Variants in MYOF observed in about 807,000 individuals in gnomAD.
The protein encoded by MYOF is fer-1-like 3, myoferlin.
A neutral mutation model predicts 284.2 loss-of-function variants in MYOF; 244 were observed. The observed-to-expected ratio is 0.86, with a 90% CI of 0.77 to 0.95. MYOF has a LOEUF of 0.95. Among genes scored for constraint, MYOF ranks in the 40% least tolerant of loss-of-function variants. The pLI is 0.00. For synonymous variants in MYOF, 904 were observed against 919.7 expected (o/e 0.98, Z 0.31); for missense variants, 2,496 against 2,560.6 (o/e 0.97, Z 0.54).
chr10:93,476,019 G>T (rs7909408), intron 1 of MYOF, among the ~76,000 whole-genome samples: 151,412 of 152,218 alleles, frequency 0.99, 75,313 homozygotes, highest in East Asian at 1. Context: ...AATGACTCAG[G>T]AGATTAAACA....
intron 5 of MYOF, among the ~76,000 whole-genome samples, chr10:93,424,064 G>A (rs1035493388): frequency 9.9e-5 from 15 of 152,178 alleles, no homozygotes; most frequent in Non-Finnish European, 2.2e-4. Context: ...AGAGGCTCCA[G>A]AAGGAACTAG....
rs554142197 is a variant in MYOF at position 93,327,557 on chromosome 10, A to G, written c.5131+1206T>C. Among the ~76,000 whole-genome samples the G allele has an allele frequency of 3.3e-5, 5 of 152,234 alleles. No individual in the cohort carries two copies. The East Asian group carries it at 7.7e-4, about 23-fold the overall frequency. On this transcript the variant is annotated intron_variant, in intron 45 of 53. Transcript: ENST00000359263. ...GTTTGGGGTGATCTGTTATATATCA[A>G]TAGTAACTGGAACAATCCCCATGAC...
In MYOF at chr10:93,390,202, C is replaced by T. The variant is rs867038204; in HGVS notation, c.1457-1048G>A. 7.2e-5 allele frequency among the ~76,000 whole-genome samples: 11 copies of T among 152,228 alleles called. 1 individual carries two copies. The South Asian group carries it at 1.5e-3, about 20-fold the overall frequency. On this transcript the variant is annotated intron_variant, in intron 17 of 53. Transcript: ENST00000359263. Reference sequence around the variant, plus strand: ...GTGGAGCAGCGTCATCAGAATGATGCCCATTAATAAATAATTTACCTAACC... The same window carrying T: ...GTGGAGCAGCGTCATCAGAATGATGTCCATTAATAAATAATTTACCTAACC...
At chr10:93,414,812 C>T (rs1202731749) in intron 5 of MYOF, among the ~76,000 whole-genome samples, 1 of 151,952 alleles carries the variant, frequency 6.6e-6, no homozygotes, top group Non-Finnish European at 1.5e-5. Context: ...GGTACAATTT[C>T]AGCTCACTGC....
intron 1 of MYOF, among the ~76,000 whole-genome samples, chr10:93,475,846 G>A (rs939480196): frequency 6.6e-6 from 1 of 152,148 alleles, no homozygotes; most frequent in Admixed American, 6.6e-5. Flanking sequence ...AACAAGGCAC[G>A]TTAATTAATT....
Position 93,361,451 on chromosome 10 carries a change from C to T in MYOF, c.2974+1G>A. 1.2e-6 allele frequency: 2 copies of T among 1,613,978 alleles called. No individual in the cohort carries two copies. Among genetic ancestry groups the T allele is most frequent in the Non-Finnish European group, 1.7e-6 (2 of 1,179,862 alleles). ...ATCAGGTCACAGATGTACAATGTTA[C>T]CTTTCTCATCCACCGCTCGATTTAT... On this transcript the variant is annotated splice_donor_variant, in intron 28 of 53. Transcript: ENST00000359263. LOFTEE classifies it high-confidence loss of function.
Position 93,456,891 on chromosome 10 carries a change from G to A in MYOF, c.135C>T (p.Val45=). The change falls in exon 2 of 54, where the codon GTC becomes GTT. Residue 45 remains valine (V), a synonymous_variant. Transcript: ENST00000359263. ...AAAACAATGAAGTCACCTCATTCCA[G>A]ACAGGGTTCAATTCATTATCAACTT... ...TKKVDNELNP[V]WNEILEFDLR... The A allele has an allele frequency of 6.2e-7, 1 of 1,607,584 alleles. No homozygotes were observed. Among genetic ancestry groups the A allele is most frequent in the South Asian group, 1.1e-5 (1 of 90,038 alleles).
intron 1 of MYOF, among the ~76,000 whole-genome samples, chr10:93,477,996 G>T (rs2057302587): frequency 6.6e-6 from 1 of 152,134 alleles, no homozygotes; most frequent in Non-Finnish European, 1.5e-5. Context: ...AAATCAAATT[G>T]TTCAGAGTGG....
intron 4 of MYOF, among the ~76,000 whole-genome samples, chr10:93,428,123 A>T (rs1192185854): frequency 6.6e-6 from 1 of 151,856 alleles, no homozygotes; most frequent in African/African-American, 2.4e-5. Flanking sequence ...TGACCAGATA[A>T]AATCTGGACA....
intron 50 of MYOF, among the ~76,000 whole-genome samples, chr10:93,314,790 G>A (rs1323898705): frequency 6.6e-6 from 1 of 152,140 alleles, no homozygotes; most frequent in Non-Finnish European, 1.5e-5. Context: ...GCTCATGCCT[G>A]TAATCCCAGC....
chr10:93,375,785 C>T (rs1448512218), intron 22 of MYOF, among the ~76,000 whole-genome samples: 1 of 152,162 alleles, frequency 6.6e-6, no homozygotes, highest in African/African-American at 2.4e-5. Context: ...GATTTATGAA[C>T]CAACCATGTA....
intron 29 of MYOF, among the ~76,000 whole-genome samples, chr10:93,357,985 G>A (rs191966744): frequency 2.4e-4 from 36 of 152,262 alleles, no homozygotes; most frequent in African/African-American, 7.9e-4. Context: ...CTTCTACACA[G>A]CAAAAGAAAC....
intron 49 of MYOF, among the ~76,000 whole-genome samples, chr10:93,317,137 C>T (rs980491647): frequency 7.0e-6 from 1 of 142,094 alleles, no homozygotes; most frequent in Non-Finnish European, 1.5e-5. Flanking sequence ...TTAGATTATC[C>T]TCCTAAGGCC....
At chr10:93,354,702 T>TCTCTCTC (rs1491377561) in intron 31 of MYOF, among the ~76,000 whole-genome samples, 17 of 149,744 alleles carry the variant, frequency 1.1e-4, no homozygotes, top group South Asian at 2.1e-4. Context: ...TCTCTCTCTC[T>TCTCTCTC]TTGTGAGATA....
In MYOF at chr10:93,310,154, A is replaced by T. The variant is rs761291902; in HGVS notation, c.6013T>A (p.Ser2005Thr). The T allele has an allele frequency of 4.3e-6, 7 of 1,614,108 alleles. No homozygotes were observed. Among genetic ancestry groups the T allele is most frequent in the Non-Finnish European group, 5.9e-6 (7 of 1,179,964 alleles). Residue 2005 changes from serine to threonine, a missense_variant, in exon 53 of 54, where the codon TCC becomes ACC. By Grantham distance (58) the Ser-to-Thr change is moderately conservative. Transcript: ENST00000359263. Reference protein sequence around the residue: ...KLDLPNRPETSFLWFTNPCKT... With the variant: ...KLDLPNRPETTFLWFTNPCKT... ...CATGGGTTGGTGAACCAGAGGAAGG[A>T]GGTTTCTGGTCGACTGCATTGCAAA...
At chr10:93,472,814 T>G (rs2057179790) in intron 1 of MYOF, among the ~76,000 whole-genome samples, 1 of 152,214 alleles carries the variant, frequency 6.6e-6, no homozygotes, top group African/African-American at 2.4e-5. Context: ...TCTGAACAGC[T>G]AAGCCTGGGC....
intron 19 of MYOF, among the ~76,000 whole-genome samples, chr10:93,387,198 A>C (rs1472531814): frequency 1.3e-5 from 2 of 152,232 alleles, no homozygotes; most frequent in African/African-American, 4.8e-5. Flanking sequence ...TGCTTGGAAC[A>C]GAGGGCAACA....
chr10:93,396,036 C>T (rs1564681110), intron 16 of MYOF, 106 bp downstream of exon 16: 1 of 787,960 alleles, frequency 1.3e-6, no homozygotes, highest in African/African-American at 1.8e-5. Flanking sequence ...CATTTGGCTT[C>T]TAAGAAACCA....
chr10:93,320,034 G>C, intron 48 of MYOF, 21 bp from the exon 49 acceptor site: 1 of 1,613,416 alleles, frequency 6.2e-7, no homozygotes. Context: ...GAGGCAAACA[G>C]ACTTAGCTTC....
Sources: gnomAD v4.1 joint callset for allele counts (sites outside exome capture counted in the v4.1 genomes callset) on GRCh38, gnomAD v4.1.1 for gene constraint, MANE v1.5 for transcripts, NCBI Gene and HGNC (gene_info 2026-07-23, HGNC 2026-07-21) for gene names.